The following SCFD1 variants were observed in gnomAD, a reference collection of about 807,000 sequenced individuals.
SCFD1 encodes sec1 family domain-containing protein 1.
SCFD1 carries 37 observed loss-of-function variants against 103.2 expected under a neutral mutation model. The observed-to-expected ratio is 0.36, with a 90% CI of 0.28 to 0.47. The LOEUF (loss-of-function observed/expected upper bound fraction) is 0.47, where lower values mean the gene tolerates loss of function less well. Ranked by LOEUF, SCFD1 falls within the 20% of genes least tolerant of loss-of-function variation. SCFD1 has a pLI of 1.00. For missense variants in SCFD1, 639 were observed against 761.2 expected (o/e 0.84, Z 1.89); for synonymous variants, 264 against 245.0 (o/e 1.08, Z -0.73).
intron 10 of SCFD1, among the ~76,000 whole-genome samples, chr14:30,665,832 A>G (rs911073586): frequency 3.9e-5 from 6 of 152,242 alleles, no homozygotes; most frequent in African/African-American, 1.2e-4. Context: ...CAATTCAACA[A>G]GAAGAGCTAA....
intron 6 of SCFD1, among the ~76,000 whole-genome samples, chr14:30,642,840 G>A (rs913358862): frequency 6.6e-6 from 1 of 152,070 alleles, no homozygotes. Flanking sequence ...TCTCTTTGAG[G>A]TGGTATAATT....
At chr14:30,664,374 C>T (rs1345520718) in intron 10 of SCFD1, among the ~76,000 whole-genome samples, 1 of 152,118 alleles carries the variant, frequency 6.6e-6, no homozygotes, top group Non-Finnish European at 1.5e-5. Context: ...AGGACATCCA[C>T]ACCAAAACTG....
chr14:30,733,559 A>G (rs1330575318), intron 23 of SCFD1, among the ~76,000 whole-genome samples: 1 of 152,232 alleles, frequency 6.6e-6, no homozygotes, highest in Non-Finnish European at 1.5e-5. Flanking sequence ...CCCTGTGCTT[A>G]TCTCCAAGAA....
intron 2 of SCFD1, among the ~76,000 whole-genome samples, 193 bp downstream of exon 2, chr14:30,628,472 T>C (rs897050780): frequency 1.3e-5 from 2 of 152,218 alleles, no homozygotes; most frequent in Non-Finnish European, 2.9e-5. Flanking sequence ...AGTGATAAAA[T>C]AGTAATTTTC....
At chr14:30,643,239 G>T in intron 6 of SCFD1, 77 bp from the exon 7 acceptor site, 1 of 926,818 alleles carries the variant, frequency 1.1e-6, no homozygotes, top group Non-Finnish European at 1.8e-6. Flanking sequence ...TAAGAATTTA[G>T]TAATAATTTT....
At chr14:30,655,004 A>G (rs903544398) in intron 10 of SCFD1, among the ~76,000 whole-genome samples, 3 of 152,194 alleles carry the variant, frequency 2.0e-5, no homozygotes, top group African/African-American at 7.2e-5. Flanking sequence ...ACTCTTTAAC[A>G]CACTTTCTAA....
chr14:30,659,121 T>A (rs192563976), intron 10 of SCFD1, among the ~76,000 whole-genome samples: 2 of 151,574 alleles, frequency 1.3e-5, no homozygotes, highest in African/African-American at 2.4e-5. Flanking sequence ...TTATTTAATC[T>A]AAGGGAGAAA....
At position 30,670,362 on chromosome 14, in the gene SCFD1, C is replaced by T. The variant is rs777283817; in HGVS notation, c.962C>T (p.Pro321Leu). ...AACAAGAAGTCTTATGATTTAACTCCGGTTGATAAATTTTGGCAAAAACAT... is the reference window on the plus strand; with the variant it reads ...AACAAGAAGTCTTATGATTTAACTCTGGTTGATAAATTTTGGCAAAAACAT... ...RKNKKSYDLT[P>L]VDKFWQKHKG... The change falls in exon 11 of 25, where the codon CCG becomes CTG. Residue 321 changes from proline (P) to leucine (L), a missense_variant. Pro to Leu is a moderately conservative substitution (Grantham distance 98, BLOSUM62 -3). Coordinates refer to ENST00000458591, the MANE Select transcript of SCFD1 (RefSeq NM_016106.4). The T allele has an allele frequency of 7.6e-6, 12 of 1,570,970 alleles. No homozygotes were observed. The highest frequency in any genetic ancestry group is 6.0e-5 in the Admixed American group (3 of 49,764).
At chr14:30,636,915 A>C (rs1884781403) in intron 4 of SCFD1, among the ~76,000 whole-genome samples, 1 of 152,074 alleles carries the variant, frequency 6.6e-6, no homozygotes, top group Non-Finnish European at 1.5e-5. Flanking sequence ...TTTGAAATGT[A>C]TGCATCATTC....
rs575588000 is a variant in SCFD1, at chr14:30,710,321, A to T, written c.1629+2256A>T. ...ATATTTTTGCCACCACTACCAGAAGAGCCATGTCATTAAAAAAAAAAAAAA... is the reference window on the plus strand; with the variant it reads ...ATATTTTTGCCACCACTACCAGAAGTGCCATGTCATTAAAAAAAAAAAAAA... On this transcript the variant is annotated intron_variant, in intron 19 of 24. Transcript: ENST00000458591. Among the ~76,000 whole-genome samples the T allele has an allele frequency of 8.7e-5, 12 of 138,638 alleles. No homozygotes were observed. The South Asian group carries it at 2.9e-3, about 34-fold the overall frequency. The allele number at this position is 138,638 out of a possible 152,430, so 91.0% of individuals were successfully genotyped here. A position where few individuals can be genotyped will look rare whatever the true frequency, so the allele number is the denominator to read the frequency against.
At position 30,660,744 on chromosome 14, in the gene SCFD1, T is replaced by G. The variant is rs147432086; in HGVS notation, c.855+7156T>G. Among the ~76,000 whole-genome samples the G allele has an allele frequency of 3.2e-3, 490 of 152,306 alleles. 4 individuals are homozygous for G. Among genetic ancestry groups the G allele is most frequent in the East Asian group, 0.019 (101 of 5,182 alleles). ...AGTCATTTGTTTAAGTATCATTTTATGAACTAACAGATTTTTATATTTGAG... is the reference window on the plus strand; with the variant it reads ...AGTCATTTGTTTAAGTATCATTTTAGGAACTAACAGATTTTTATATTTGAG... On this transcript the variant is annotated intron_variant, in intron 10 of 24. Transcript: ENST00000458591.
At chr14:30,654,673 CAAA>C (rs397967329) in intron 10 of SCFD1, among the ~76,000 whole-genome samples, 6 of 82,468 alleles carry the variant, frequency 7.3e-5, no homozygotes, top group Non-Finnish European at 8.7e-5. Flanking sequence ...GACCTAGTCT[CAAA>C]AAAAAAAAAA....
Position 30,708,001 on chromosome 14 carries a change from G to T in SCFD1, c.1565G>T (p.Arg522Leu), listed in dbSNP as rs780565371. Reference sequence around the variant, plus strand: ...TTGCCCCTACCTAGTCTTTTATCACGAGTCATGAATACAGGATCACAGTTT... The same window carrying T: ...TTGCCCCTACCTAGTCTTTTATCACTAGTCATGAATACAGGATCACAGTTT... ...TTTKPMGLLS[R>L]VMNTGSQFVM... The change falls in exon 19 of 25, where the codon CGA becomes CTA. Residue 522 changes from arginine to leucine, a missense_variant. Coordinates refer to ENST00000458591, the MANE Select transcript of SCFD1 (RefSeq NM_016106.4). 2 of 1,612,550 alleles carry T rather than the reference G, an allele frequency of 1.2e-6. No homozygotes were observed. Among genetic ancestry groups the T allele is most frequent in the African/African-American group, 1.3e-5 (1 of 74,938 alleles).
chr14:30,653,923 A>G (rs1229650759), intron 10 of SCFD1: 1 of 161,950 alleles, frequency 6.2e-6, no homozygotes, highest in East Asian at 1.7e-4. Flanking sequence ...GTTCTCCCTT[A>G]GGAGAAAAGC....
chr14:30,630,500 C>T lies in SCFD1; in HGVS notation c.156C>T (p.Gly52=). 2 of 1,600,424 alleles carry T rather than the reference C, an allele frequency of 1.2e-6. No individual in the cohort carries two copies. The highest frequency in any genetic ancestry group is 1.7e-6 in the Non-Finnish European group (2 of 1,168,372). The change falls in exon 3 of 25, where the codon GGC becomes GGT. Residue 52 remains glycine, a synonymous_variant. Transcript: ENST00000458591. ...AGGTACTCATTTATGACAGATTTGG[C>T]CAAGATATAATCTCTCCTCTGCTAT... ...VWKVLIYDRF[G]QDIISPLLSV...
chr14:30,627,115 C>CT (rs1883549513), intron 1 of SCFD1, among the ~76,000 whole-genome samples: 1 of 152,092 alleles, frequency 6.6e-6, no homozygotes, highest in African/African-American at 2.4e-5. Context: ...AGTATACTCT[C>CT]TTGAATATTT....
At chr14:30,645,277 C>T (rs972040594) in intron 7 of SCFD1, among the ~76,000 whole-genome samples, 20 of 152,176 alleles carry the variant, frequency 1.3e-4, no homozygotes, top group Admixed American at 6.5e-5. Context: ...GTAATGCTCC[C>T]AGCTTTGTTA....
chr14:30,680,593 C>T (rs1391143610), intron 14 of SCFD1, among the ~76,000 whole-genome samples: 3 of 152,126 alleles, frequency 2.0e-5, no homozygotes, highest in South Asian at 2.1e-4. Context: ...CTTTTGTAAT[C>T]CCTTTGGAGT....
chr14:30,728,354 C>T (rs976922404), intron 23 of SCFD1, among the ~76,000 whole-genome samples: 1 of 152,182 alleles, frequency 6.6e-6, no homozygotes, highest in African/African-American at 2.4e-5. Flanking sequence ...TGTTGAACTG[C>T]ACCTGCAGTA....
Sources: gnomAD v4.1 joint callset for allele counts (sites outside exome capture counted in the v4.1 genomes callset) on GRCh38, gnomAD v4.1.1 for gene constraint, MANE v1.5 for transcripts, NCBI Gene and HGNC (gene_info 2026-07-23, HGNC 2026-07-21) for gene names.